TASOR: variants seen among roughly 807,000 people sequenced by gnomAD.
TASOR encodes the protein protein TASOR.
In TASOR, 53 loss-of-function variants were observed where a neutral mutation model predicts 178.6. That is an observed-to-expected ratio of 0.30 (90% CI 0.24 to 0.37). TASOR has a LOEUF of 0.37. Among genes scored for constraint, TASOR ranks in the 10% least tolerant of loss-of-function variants. TASOR has a pLI of 1.00. For missense variants in TASOR, 1,815 were observed against 1,971.4 expected, an observed-to-expected ratio of 0.92 and a Z score of 1.50; for synonymous variants, 713 against 696.2, an observed-to-expected ratio of 1.02 and a Z score of -0.38.
chr3:56,645,159 A>G (rs1465417142), intron 14 of TASOR, among the ~76,000 whole-genome samples: 1 of 152,224 alleles, frequency 6.6e-6, no homozygotes, highest in African/African-American at 2.4e-5. Flanking sequence ...CTGTAATTCC[A>G]GCTACTGGGG....
intron 9 of TASOR, 81 bp from the exon 10 acceptor site, chr3:56,661,098 A>G (rs2077584004): frequency 7.3e-6 from 6 of 820,522 alleles, no homozygotes; most frequent in Non-Finnish European, 1.2e-5. Flanking sequence ...AAAAAAGTAC[A>G]CTTGATGGAA....
Position 56,683,140 on chromosome 3 carries a change from G to C in TASOR, c.-134C>G. 1.9e-6 allele frequency: 2 copies of C among 1,043,550 alleles called. No homozygotes were observed. The highest frequency in any genetic ancestry group is 5.3e-5 in the East Asian group (2 of 37,526). 64.6% of individuals were successfully genotyped at this position (1,043,550 alleles called of 1,614,324 possible). On this transcript the variant is annotated 5_prime_UTR_variant, in exon 1 of 24. Coordinates refer to ENST00000683822, the MANE Select transcript of TASOR (RefSeq NM_001365635.2). ...CCCCTTCCCCCCGTGGCCTCAGGCT[G>C]CGCTCCCGACCTGGCAGCCTCTTGG...
intron 22 of TASOR, 39 bp from the exon 23 acceptor site, chr3:56,624,682 A>C: frequency 6.3e-7 from 1 of 1,585,424 alleles, no homozygotes; most frequent in Middle Eastern, 1.8e-4. Context: ...GAAACACTTC[A>C]AAATATAGAC....
At position 56,668,544 on chromosome 3, in the gene TASOR, A is replaced by T; in HGVS notation, c.750T>A (p.Ser250Arg). ...TTTTTACACCCATGGGGTCATATAT[A>T]CTCTTTATTTTACCCTAAAATAGAG... ...IFKIMKGKIK[S>R]IYDPMGVKSL... The change falls in exon 6 of 24, where the codon AGT (serine) becomes AGA (arginine). Residue 250 changes from serine (S) to arginine (R), a missense_variant. Around this residue, in one of 5 missense-constraint regions of TASOR, gnomAD observed 504 missense variants for 645.3 expected, o/e 0.78. Transcript: ENST00000683822. 1 of 1,544,874 alleles carries T rather than the reference A, an allele frequency of 6.5e-7. No homozygotes were observed. Among genetic ancestry groups the T allele is most frequent in the Non-Finnish European group, 8.7e-7 (1 of 1,144,946 alleles).
intron 18 of TASOR, among the ~76,000 whole-genome samples, chr3:56,630,913 G>A (rs1005756316): frequency 3.1e-3 from 437 of 141,476 alleles, no homozygotes; most frequent in African/African-American, 0.01. Flanking sequence ...AAAAAGGAGC[G>A]GGGGGGTGGG....
Position 56,669,758 on chromosome 3 carries a change from T to C in TASOR, c.677A>G (p.Gln226Arg). Residue 226 changes from glutamine (Q) to arginine (R), a missense_variant, in exon 5 of 24, where the codon CAA becomes CGA. By Grantham distance (43) the Gln-to-Arg change is conservative. Coordinates refer to ENST00000683822, the MANE Select transcript of TASOR (RefSeq NM_001365635.2). ...VYLSRYADLL[Q>R]ANPLDTGAMG... The stretch of plus-strand genomic sequence containing the variant: ...TGCCCCCGTGTCCAAAGGATTCGCT[T>C]GTAATAAATCAGCATACCTAGAAAG... The C allele has an allele frequency of 1.3e-6, 2 of 1,549,414 alleles. No homozygotes were observed. The highest frequency in any genetic ancestry group is 1.7e-6 in the Non-Finnish European group (2 of 1,146,042).
At chr3:56,649,482 A>T (rs1037516043) in intron 11 of TASOR, among the ~76,000 whole-genome samples, 2 of 152,210 alleles carry the variant, frequency 1.3e-5, no homozygotes, top group Non-Finnish European at 2.9e-5. Flanking sequence ...TCACAAACCC[A>T]ATGTGTTGCC....
intron 11 of TASOR, among the ~76,000 whole-genome samples, chr3:56,651,438 T>C: frequency 6.6e-6 from 1 of 152,176 alleles, no homozygotes; most frequent in East Asian, 1.9e-4. Flanking sequence ...CTCATGCCTG[T>C]AATCTCAGCA....
At chr3:56,630,915 G>A (rs2076897957) in intron 18 of TASOR, among the ~76,000 whole-genome samples, 1 of 142,870 alleles carries the variant, frequency 7.0e-6, no homozygotes, top group Admixed American at 7.0e-5. Flanking sequence ...AAAGGAGCGG[G>A]GGGGTGGGGG....
At chr3:56,661,290 G>T (rs1266225258) in intron 9 of TASOR, among the ~76,000 whole-genome samples, 1 of 152,140 alleles carries the variant, frequency 6.6e-6, no homozygotes, top group East Asian at 1.9e-4. Context: ...GGGACTACAG[G>T]CATGTGCCAC....
intron 1 of TASOR, among the ~76,000 whole-genome samples, chr3:56,679,600 G>A (rs531948425): frequency 2.0e-5 from 3 of 152,182 alleles, no homozygotes; most frequent in Admixed American, 2.0e-4. Flanking sequence ...GACTAAACCA[G>A]TATGGAAATT....
chr3:56,623,574 TA>T lies in TASOR; in HGVS notation c.4484-9del, dbSNP rs1443550489. ...CATCGTTTTCTAAAAGAGCTACATT[TA>T]AAAAACAAAAAGTCCTCCTCTATTG... is the stretch of plus-strand genomic sequence containing the variant. On this transcript the variant is annotated splice_polypyrimidine_tract_variant and intron_variant, in intron 23 of 23. Transcript: ENST00000683822. The T allele has an allele frequency of 6.4e-7, 1 of 1,557,706 alleles. No individual in the cohort carries two copies. The highest frequency in any genetic ancestry group is 2.2e-5 in the East Asian group (1 of 44,612).
At chr3:56,667,428 G>A (rs1400173063) in intron 6 of TASOR, among the ~76,000 whole-genome samples, 1 of 151,984 alleles carries the variant, frequency 6.6e-6, no homozygotes, top group East Asian at 1.9e-4. Context: ...GAGGCAGACA[G>A]GATCACCTGA....
At position 56,628,570 on chromosome 3, in the gene TASOR, C is replaced by T. The variant is rs2076844469; in HGVS notation, c.3792G>A (p.Gln1264=). ...KLGNTECHPE[Q]FLERRSKLDK... ...CTAATTTTGATCTTCTTTCCAAAAA[C>T]TGTTCAGGATGACATTCTGTATTGC... Residue 1264 remains glutamine (Q), a synonymous_variant, in exon 19 of 24, where the codon CAG becomes CAA. Coordinates refer to ENST00000683822, the MANE Select transcript of TASOR (RefSeq NM_001365635.2). 1 of 1,595,074 alleles carries T rather than the reference C, an allele frequency of 6.3e-7. No homozygotes were observed. The highest frequency in any genetic ancestry group is 1.3e-5 in the African/African-American group (1 of 74,658).
chr3:56,654,545 G>A (rs1055516104), intron 11 of TASOR, among the ~76,000 whole-genome samples: 2 of 152,052 alleles, frequency 1.3e-5, no homozygotes. Flanking sequence ...TGGCCAGGGA[G>A]TGCCCAGGTA....
In TASOR at chr3:56,620,585, CAG is replaced by C. The variant is rs776086689; in HGVS notation, c.*2450_*2451del. 36 of 152,314 alleles carry C rather than the reference CAG, an allele frequency of 2.4e-4. No homozygotes were observed. The highest frequency in any genetic ancestry group is 8.2e-4 in the African/African-American group (34 of 41,562). The allele number at this position is 152,314 out of a possible 1,614,324, so 9.4% of individuals were successfully genotyped here. On this transcript the variant is annotated 3_prime_UTR_variant, in exon 24 of 24. Transcript: ENST00000683822. ...CCCTCTGCATTTCAAAATGTTGACT[CAG>C]ATGTTTTTCCCTCTACAGAACTAGA...
At position 56,646,652 on chromosome 3, in the gene TASOR, C is replaced by G. The variant is rs199501488; in HGVS notation, c.2085G>C (p.Val695=). The G allele has an allele frequency of 1.7e-5, 27 of 1,613,544 alleles. No homozygotes were observed. The highest frequency in any genetic ancestry group is 1.9e-5 in the Non-Finnish European group (23 of 1,179,978). Residue 695 remains valine (V), a synonymous_variant, in exon 14 of 24, where the codon GTG becomes GTC. Transcript: ENST00000683822. ...TATCTTCTGTGTCTGAGTCCCCACC[C>G]ACACTCTTTTTCCTACACTGAATTA... ...INLIQCRKKS[V]GGDSDTEDMR... is the part of the protein sequence containing the mutation.
chr3:56,633,883 T>C lies in TASOR; in HGVS notation c.2908A>G (p.Arg970Gly). The C allele has an allele frequency of 6.2e-7, 1 of 1,602,334 alleles. No individual in the cohort carries two copies. Among genetic ancestry groups the C allele is most frequent in the Non-Finnish European group, 8.5e-7 (1 of 1,173,786 alleles). The part of the protein sequence containing the change: ...PNDPRVINRQ[R>G]SSDYQFPSSP... Reference sequence around the variant, plus strand: ...GATGGAAACTGGTAATCAGAACTTCTCTGTCTATTTATTACCCGGGGGTCG... The same window carrying C: ...GATGGAAACTGGTAATCAGAACTTCCCTGTCTATTTATTACCCGGGGGTCG... The change falls in exon 18 of 24, where the codon AGA becomes GGA. Residue 970 changes from arginine to glycine, a missense_variant. Coordinates refer to ENST00000683822, the MANE Select transcript of TASOR (RefSeq NM_001365635.2).
rs1320503307 is a variant in TASOR, at chr3:56,648,913, C to T, written c.1442-20G>A. 1 of 1,607,994 alleles carries T rather than the reference C, an allele frequency of 6.2e-7. No homozygotes were observed. Among genetic ancestry groups the T allele is most frequent in the Non-Finnish European group, 8.5e-7 (1 of 1,177,752 alleles). ...GATATTCTAAAAAACAGAAGCCAAA[C>T]TCATTAGCAATGTGTTTTAACTAAA... On this transcript the variant is annotated intron_variant, in intron 12 of 23. Coordinates refer to ENST00000683822, the MANE Select transcript of TASOR (RefSeq NM_001365635.2).
Sources: allele counts gnomAD v4.1 joint callset (sites outside exome capture counted in the v4.1 genomes callset), GRCh38; gene constraint gnomAD v4.1.1; regional missense constraint gnomAD v4.1.1; transcripts MANE v1.5; gene names NCBI Gene and HGNC (gene_info 2026-07-23, HGNC 2026-07-21).